KCNMA1: variants seen among roughly 807,000 people sequenced by gnomAD.
KCNMA1 encodes the protein Calcium-activated potassium channel subunit alpha-1.
KCNMA1 carries 29 observed loss-of-function variants against 140.0 expected under a neutral mutation model. That is an observed-to-expected ratio of 0.21 (90% CI 0.15 to 0.28). KCNMA1 has a LOEUF of 0.28. Ranked by LOEUF, KCNMA1 falls within the 10% of genes least tolerant of loss-of-function variation. The probability of loss-of-function intolerance (pLI) is 1.00; values close to 1 mark genes in which losing one functional copy is unlikely to be tolerated. For missense variants in KCNMA1, 880 were observed against 1,602.2 expected (o/e 0.55, Z 7.70); for synonymous variants, 612 against 611.9 (o/e 1.00, Z 0.00).
chr10:77,382,988 GTGTGTGTA>G lies in KCNMA1; in HGVS notation c.540+20866_540+20873del, dbSNP rs1197913378. ...TGTGTGTGTGTGTGTGTGTGTGTGT[GTGTGTGTA>G]TATATATATATATATATATATATAT... is the stretch of plus-strand genomic sequence containing the variant. On this transcript the variant is annotated intron_variant, in intron 2 of 27. Coordinates refer to ENST00000286628, the MANE Select transcript of KCNMA1 (RefSeq NM_001161352.2). 8.5e-4 allele frequency among the ~76,000 whole-genome samples: 38 copies of G among 44,956 alleles called. 1 individual carries two copies. Among genetic ancestry groups the G allele is most frequent in the Non-Finnish European group, 9.7e-4 (26 of 26,876 alleles). 29.5% of individuals were successfully genotyped at this position (44,956 alleles called of 152,430 possible).
intron 2 of KCNMA1, among the ~76,000 whole-genome samples, chr10:77,286,263 A>G (rs373645894): frequency 1.3e-5 from 2 of 152,146 alleles, no homozygotes; most frequent in Admixed American, 6.5e-5. Flanking sequence ...AGATCATTTA[A>G]ACGCCACCTC....
intron 1 of KCNMA1, among the ~76,000 whole-genome samples, chr10:77,477,174 C>T (rs1353135537): frequency 6.6e-6 from 1 of 152,142 alleles, no homozygotes; most frequent in Non-Finnish European, 1.5e-5. Context: ...ACAGGGGTTG[C>T]CATGGAAAAC....
chr10:77,508,674 G>A (rs1488382107), intron 1 of KCNMA1, among the ~76,000 whole-genome samples: 1 of 144,756 alleles, frequency 6.9e-6, no homozygotes, highest in African/African-American at 2.6e-5. Context: ...GCCTAGGCTG[G>A]TATTGAACTA....
chr10:76,918,902 A>T (rs2054116003), intron 23 of KCNMA1, among the ~76,000 whole-genome samples: 1 of 144,508 alleles, frequency 6.9e-6, no homozygotes, highest in African/African-American at 2.6e-5. Flanking sequence ...ATACACACAC[A>T]CATATATATA....
intron 2 of KCNMA1, among the ~76,000 whole-genome samples, chr10:77,378,698 T>C (rs1342888796): frequency 1.3e-5 from 2 of 152,166 alleles, no homozygotes; most frequent in African/African-American, 4.8e-5. Context: ...GTATTTAGGA[T>C]GTTTAGATGC....
intron 14 of KCNMA1, among the ~76,000 whole-genome samples, chr10:77,051,651 G>A (rs2153631671): frequency 6.6e-6 from 1 of 152,314 alleles, no homozygotes; most frequent in African/African-American, 2.4e-5. Context: ...CCTTTGAGGA[G>A]GAAACCATGA....
At chr10:77,595,482 A>G (rs1421070557) in intron 1 of KCNMA1, among the ~76,000 whole-genome samples, 3 of 152,130 alleles carry the variant, frequency 2.0e-5, no homozygotes, top group South Asian at 2.1e-4. Flanking sequence ...GGGGCCCCAT[A>G]GTTCTGTGAC....
chr10:77,371,586 C>T (rs1051742105), intron 2 of KCNMA1, among the ~76,000 whole-genome samples: 1 of 152,218 alleles, frequency 6.6e-6, no homozygotes, highest in Non-Finnish European at 1.5e-5. Flanking sequence ...CTGGCCAGAG[C>T]TGTGAGGCAG....
At chr10:77,541,004 C>CAA (rs11433642) in intron 1 of KCNMA1, among the ~76,000 whole-genome samples, 3,771 of 145,798 alleles carry the variant, frequency 0.026, 72 homozygotes, top group Non-Finnish European at 0.035. Flanking sequence ...GACTTCCTCT[C>CAA]AAAAAAAAAA....
At chr10:77,230,372 T>G (rs1227384723) in intron 3 of KCNMA1, among the ~76,000 whole-genome samples, 1 of 152,240 alleles carries the variant, frequency 6.6e-6, no homozygotes, top group Non-Finnish European at 1.5e-5. Flanking sequence ...AAGTGATGGT[T>G]GCATAACATT....
At chr10:76,943,800 A>G (rs1310756409) in intron 23 of KCNMA1, among the ~76,000 whole-genome samples, 2 of 152,210 alleles carry the variant, frequency 1.3e-5, no homozygotes, top group African/African-American at 4.8e-5. Flanking sequence ...TCCAGGATGC[A>G]TGATTCAGCT....
At chr10:77,567,130 T>G (rs1181498282) in intron 1 of KCNMA1, among the ~76,000 whole-genome samples, 2 of 152,182 alleles carry the variant, frequency 1.3e-5, no homozygotes, top group African/African-American at 4.8e-5. Context: ...ACGGGATGCC[T>G]GCAGAGCGAT....
chr10:77,458,730 C>T (rs1001864649), intron 1 of KCNMA1, among the ~76,000 whole-genome samples: 1 of 152,162 alleles, frequency 6.6e-6, no homozygotes, highest in Non-Finnish European at 1.5e-5. Context: ...CTGCTGCAGA[C>T]AACCAAGGCT....
At chr10:77,509,190 G>A (rs747040338) in intron 1 of KCNMA1, among the ~76,000 whole-genome samples, 8 of 151,812 alleles carry the variant, frequency 5.3e-5, no homozygotes, top group African/African-American at 1.7e-4. Context: ...ATGCAATCTC[G>A]GCTCACTGCA....
intron 18 of KCNMA1, among the ~76,000 whole-genome samples, chr10:77,003,603 T>C (rs1385783572): frequency 6.6e-6 from 1 of 152,228 alleles, no homozygotes; most frequent in Non-Finnish European, 1.5e-5. Flanking sequence ...TCACCGTAGA[T>C]AAATCATTTT....
At chr10:77,051,948 G>A (rs1036591606) in intron 14 of KCNMA1, among the ~76,000 whole-genome samples, 1 of 152,198 alleles carries the variant, frequency 6.6e-6, no homozygotes, top group Non-Finnish European at 1.5e-5. Context: ...CATACTAAGA[G>A]ATGGCATTTA....
chr10:77,461,562 G>A (rs184833213), intron 1 of KCNMA1, among the ~76,000 whole-genome samples: 1,647 of 152,208 alleles, frequency 0.011, 30 homozygotes, highest in African/African-American at 0.037. Context: ...TGAGGAGAGT[G>A]GGGACACAGA....
intron 2 of KCNMA1, among the ~76,000 whole-genome samples, chr10:77,396,342 G>C (rs1367097588): frequency 1.3e-5 from 2 of 152,168 alleles, no homozygotes; most frequent in East Asian, 1.9e-4. Flanking sequence ...GAGACAGAGA[G>C]AGAGAGAAGT....
At chr10:77,458,334 C>T (rs2097793736) in intron 1 of KCNMA1, among the ~76,000 whole-genome samples, 1 of 152,184 alleles carries the variant, frequency 6.6e-6, no homozygotes. Context: ...AGGGCAGGCA[C>T]CAAGGCCAGG....
Sources: gnomAD v4.1 joint callset for allele counts (sites outside exome capture counted in the v4.1 genomes callset) on GRCh38, gnomAD v4.1.1 for gene constraint, MANE v1.5 for transcripts, NCBI Gene and HGNC (gene_info 2026-07-23, HGNC 2026-07-21) for gene names.